The following TASP1 variants were observed in gnomAD, a reference collection of about 807,000 sequenced individuals.
The protein encoded by TASP1 is taspase 1.
A neutral mutation model predicts 56.6 loss-of-function variants in TASP1; 16 were observed. The observed-to-expected ratio is 0.28, with a 90% CI of 0.19 to 0.43. The LOEUF (loss-of-function observed/expected upper bound fraction) is 0.43. TASP1 is among the 20% of genes least tolerant of loss of function. TASP1 has a pLI of 1.00. For synonymous variants in TASP1, 179 were observed against 184.2 expected (o/e 0.97, Z 0.23); for missense variants, 393 against 511.6 (o/e 0.77, Z 2.24).
chr20:13,611,940 T>C (rs1048667186), intron 4 of TASP1, among the ~76,000 whole-genome samples: 3 of 152,234 alleles, frequency 2.0e-5, no homozygotes, highest in Non-Finnish European at 4.4e-5. Flanking sequence ...GAAATGTCTC[T>C]TTTGCAATCT....
chr20:13,610,151 T>G (rs369691594), intron 4 of TASP1, among the ~76,000 whole-genome samples: 2 of 152,340 alleles, frequency 1.3e-5, no homozygotes, highest in East Asian at 3.9e-4. Flanking sequence ...GTATGAGGTT[T>G]CCTTTGGGGA....
the TASP1 span, among the ~76,000 whole-genome samples, chr20:13,275,360 A>G: frequency 6.6e-6 from 1 of 152,156 alleles, no homozygotes; most frequent in Non-Finnish European, 1.5e-5. Flanking sequence ...TTTTCTCTAA[A>G]ATACTTTTAG....
chr20:13,624,207 T>G (rs1231514116), intron 3 of TASP1, among the ~76,000 whole-genome samples: 1 of 152,152 alleles, frequency 6.6e-6, no homozygotes, highest in African/African-American at 2.4e-5. Flanking sequence ...GTATTCCTAA[T>G]TAAACTTTTA....
intron 13 of TASP1, among the ~76,000 whole-genome samples, chr20:13,404,768 T>C (rs2123675639): frequency 6.6e-6 from 1 of 152,306 alleles, no homozygotes; most frequent in East Asian, 1.9e-4. Context: ...ATATCTCAAA[T>C]AAATTGCAAT....
the TASP1 span, among the ~76,000 whole-genome samples, chr20:13,353,877 A>G: frequency 2.6e-5 from 4 of 152,328 alleles, no homozygotes; most frequent in African/African-American, 9.6e-5. Flanking sequence ...TGCCTCCCAC[A>G]TAAAAGACAG....
At chr20:13,477,591 A>G (rs528557111) in intron 11 of TASP1, among the ~76,000 whole-genome samples, 2 of 152,298 alleles carry the variant, frequency 1.3e-5, no homozygotes, top group East Asian at 3.9e-4. Flanking sequence ...TCACAAAACC[A>G]AGTTGGTTTA....
the TASP1 span, among the ~76,000 whole-genome samples, chr20:13,188,540 T>C: frequency 2.0e-3 from 297 of 152,144 alleles, 5 homozygotes; most frequent in African/African-American, 7.0e-3. Flanking sequence ...AAAGAGGACA[T>C]AAACAAATGG....
At chr20:13,344,305 C>A in the TASP1 span, among the ~76,000 whole-genome samples, 1 of 152,204 alleles carries the variant, frequency 6.6e-6, no homozygotes, top group East Asian at 1.9e-4. Flanking sequence ...ACACACCCTC[C>A]TGCCTGGATT....
the TASP1 span, among the ~76,000 whole-genome samples, chr20:13,218,469 T>C: frequency 2.0e-5 from 3 of 152,072 alleles, no homozygotes; most frequent in Non-Finnish European, 2.9e-5. Flanking sequence ...TGCTCTGAAA[T>C]GTTCTACCAC....
At chr20:13,246,947 T>C in the TASP1 span, among the ~76,000 whole-genome samples, 3 of 141,298 alleles carry the variant, frequency 2.1e-5, no homozygotes, top group Non-Finnish European at 4.6e-5. Context: ...AATATATATA[T>C]GTATAGTGCC....
At chr20:13,456,288 A>G (rs532777013) in intron 11 of TASP1, among the ~76,000 whole-genome samples, 1 of 152,234 alleles carries the variant, frequency 6.6e-6, no homozygotes, top group South Asian at 2.1e-4. Context: ...ACCATCAGCC[A>G]AAGCTTTAGC....
the TASP1 span, among the ~76,000 whole-genome samples, chr20:13,145,760 C>T: frequency 6.6e-6 from 1 of 152,124 alleles, no homozygotes; most frequent in Non-Finnish European, 1.5e-5. Flanking sequence ...CTACAGCAAC[C>T]AAAACAGCAT....
intron 6 of TASP1, among the ~76,000 whole-genome samples, chr20:13,571,622 C>G (rs2046716609): frequency 6.6e-6 from 1 of 152,150 alleles, no homozygotes; most frequent in African/African-American, 2.4e-5. Context: ...TATTCCCTGA[C>G]CTCAGTCAAT....
intron 8 of TASP1, among the ~76,000 whole-genome samples, chr20:13,553,832 G>A (rs1034477836): frequency 2.6e-5 from 4 of 152,076 alleles, no homozygotes; most frequent in South Asian, 2.1e-4. Flanking sequence ...CACTACCATT[G>A]ACAATAAAAC....
chr20:13,623,376 A>G, intron 4 of TASP1, 70 bp downstream of exon 4: 1 of 1,355,884 alleles, frequency 7.4e-7, no homozygotes, highest in Non-Finnish European at 1.0e-6. Context: ...TAACTCAACA[A>G]TTTCATGTCA....
chr20:13,600,378 TA>T (rs1287713589), intron 4 of TASP1, among the ~76,000 whole-genome samples: 1 of 152,122 alleles, frequency 6.6e-6, no homozygotes, highest in Non-Finnish European at 1.5e-5. Context: ...GGTATTGACA[TA>T]AATTTAGATA....
chr20:13,503,417 C>A (rs1034983666), intron 10 of TASP1, among the ~76,000 whole-genome samples: 1 of 151,896 alleles, frequency 6.6e-6, no homozygotes, highest in Non-Finnish European at 1.5e-5. Context: ...ATGGAATAGG[C>A]GTAAAAAAAA....
At chr20:13,534,769 A>T (rs780332261) in intron 8 of TASP1, among the ~76,000 whole-genome samples, 1 of 152,102 alleles carries the variant, frequency 6.6e-6, no homozygotes, top group South Asian at 2.1e-4. Flanking sequence ...TTGTGTTTCA[A>T]TGTTTTGTCC....
chr20:13,598,783 C>A (rs2047841215), intron 4 of TASP1, among the ~76,000 whole-genome samples: 1 of 152,162 alleles, frequency 6.6e-6, no homozygotes, highest in Admixed American at 6.5e-5. Flanking sequence ...GCAATCTACT[C>A]ATCTGACAAA....
Sources: gnomAD v4.1 joint callset for allele counts (sites outside exome capture counted in the v4.1 genomes callset) on GRCh38, gnomAD v4.1.1 for gene constraint, MANE v1.5 for transcripts, NCBI Gene and HGNC (gene_info 2026-07-23, HGNC 2026-07-21) for gene names.